Variants in PCDHGA1 observed in about 807,000 individuals in gnomAD.
PCDHGA1 encodes protocadherin gamma subfamily A, 1.
PCDHGA1 carries 32 observed loss-of-function variants against 58.0 expected under a neutral mutation model. The observed-to-expected ratio is 0.55, with a 90% CI of 0.42 to 0.74. PCDHGA1 has a LOEUF of 0.74. Ranked by LOEUF, PCDHGA1 falls within the 30% of genes least tolerant of loss-of-function variation. PCDHGA1 has a pLI of 0.00. For synonymous variants in PCDHGA1, 498 were observed against 501.1 expected, an observed-to-expected ratio of 0.99 and a Z score of 0.08; for missense variants, 1,205 against 1,182.3, an observed-to-expected ratio of 1.02 and a Z score of -0.28.
chr5:141,409,759 C>A, intron 1 of PCDHGA1: 1 of 1,612,958 alleles, frequency 6.2e-7, no homozygotes, highest in Non-Finnish European at 8.5e-7. Flanking sequence ...CGCAGCGCGC[C>A]TTTGATCACG....
chr5:141,385,576 A>G, intron 1 of PCDHGA1: 1 of 1,288,582 alleles, frequency 7.8e-7, no homozygotes, highest in Non-Finnish European at 9.8e-7. Context: ...CTACTTTCCA[A>G]TCTATGTTCC....
intron 1 of PCDHGA1, chr5:141,350,782 CTT>C: frequency 6.2e-7 from 1 of 1,613,954 alleles, no homozygotes; most frequent in Non-Finnish European, 8.5e-7. Context: ...CCAATCAATA[CTT>C]CTCTCTGTCA....
intron 1 of PCDHGA1, chr5:141,475,850 G>A (rs2099376325): frequency 1.9e-5 from 9 of 464,524 alleles, no homozygotes; most frequent in Middle Eastern, 5.9e-4. Context: ...AGAGAGCCCG[G>A]CGCTAGCTCA....
intron 1 of PCDHGA1, chr5:141,417,834 G>A (rs1382990900): frequency 2.0e-6 from 3 of 1,530,144 alleles, no homozygotes; most frequent in Middle Eastern, 3.5e-4. Context: ...GGAAAAGCGG[G>A]GACCCAGCGA....
intron 1 of PCDHGA1, chr5:141,403,362 G>C: frequency 6.2e-7 from 1 of 1,614,062 alleles, no homozygotes; most frequent in Non-Finnish European, 8.5e-7. Flanking sequence ...CAGGCCGAAA[G>C]TCTGGAAGTA....
chr5:141,422,140 C>T (rs1275997338), intron 1 of PCDHGA1: 15 of 1,586,774 alleles, frequency 9.5e-6, no homozygotes, highest in Non-Finnish European at 1.3e-5. Flanking sequence ...AGTTCAAGTA[C>T]GGGGGTCTCT....
chr5:141,443,656 A>T (rs139300845), intron 1 of PCDHGA1, among the ~76,000 whole-genome samples: 1 of 152,256 alleles, frequency 6.6e-6, no homozygotes, highest in African/African-American at 2.4e-5. Flanking sequence ...TTAGCATAGC[A>T]TTTTACTGAA....
intron 1 of PCDHGA1, chr5:141,394,651 A>G: frequency 6.2e-7 from 1 of 1,611,802 alleles, no homozygotes; most frequent in Admixed American, 1.7e-5. Flanking sequence ...AAGGCCAGCG[A>G]GCCGGGACTC....
intron 1 of PCDHGA1, 157 bp from the exon 2 acceptor site, chr5:141,494,650 T>G (rs1366776271): frequency 1.0e-6 from 1 of 960,138 alleles, no homozygotes; most frequent in East Asian, 1.1e-4. Context: ...CTGAGGTGTA[T>G]TTTGTCTTTG....
rs554003983 is a variant in PCDHGA1, at chr5:141,415,548, A to T, written c.2422-79259A>T. 10 of 1,614,160 alleles carry T rather than the reference A, an allele frequency of 6.2e-6. No individual in the cohort carries two copies. The East Asian group carries it at 1.8e-4, about 29-fold the overall frequency. ...TCATCAGCCAGGAGAGCTGTGAGAA[A>T]AACGATCCTTTGTCTTTGTTAGATG... On this transcript the variant is annotated intron_variant, in intron 1 of 3. Coordinates refer to ENST00000517417, the MANE Select transcript of PCDHGA1 (RefSeq NM_018912.3).
intron 1 of PCDHGA1, among the ~76,000 whole-genome samples, chr5:141,439,398 T>C (rs2098110369): frequency 6.6e-6 from 1 of 152,212 alleles, no homozygotes; most frequent in Admixed American, 6.5e-5. Context: ...TTCGACTTCA[T>C]GTGCTAACAT....
rs761718852 is a variant in PCDHGA1, at chr5:141,432,440, G to A, written c.2422-62367G>A. ...GCTGGACCAGAACGACAATGCGCCCGAGATCCTGTACCCCGCCCTCCCCAC... is the reference window on the plus strand; with the variant it reads ...GCTGGACCAGAACGACAATGCGCCCAAGATCCTGTACCCCGCCCTCCCCAC... On this transcript the variant is annotated intron_variant, in intron 1 of 3. Transcript: ENST00000517417. The surrounding 1 kb of genome is among the most constrained non-coding windows in gnomAD (Gnocchi z 6.0). 1.3e-5 allele frequency: 21 copies of A among 1,614,226 alleles called. No homozygotes were observed. Among genetic ancestry groups the A allele is most frequent in the Non-Finnish European group, 1.6e-5 (19 of 1,180,048 alleles).
chr5:141,364,267 T>C, intron 1 of PCDHGA1: 1 of 1,511,636 alleles, frequency 6.6e-7, no homozygotes, highest in Non-Finnish European at 8.8e-7. Flanking sequence ...CCCATCGGCT[T>C]TAGATAAATA....
intron 1 of PCDHGA1, chr5:141,394,900 C>T (rs959646500): frequency 3.7e-6 from 6 of 1,613,748 alleles, no homozygotes; most frequent in Non-Finnish European, 3.4e-6. Context: ...CTCGTGGTGG[C>T]AGTGGCTGCC....
intron 1 of PCDHGA1, chr5:141,424,468 C>A (rs1301878037): frequency 1.3e-5 from 2 of 152,072 alleles, no homozygotes; most frequent in South Asian, 2.1e-4. Context: ...TCCTTTTATT[C>A]TTTTACTTTG....
In PCDHGA1 at chr5:141,385,016, C is replaced by G. The variant is rs536780147; in HGVS notation, c.2421+51911C>G. 1.9e-6 allele frequency: 3 copies of G among 1,614,186 alleles called. No individual in the cohort carries two copies. In the South Asian group the frequency reaches 3.3e-5, roughly 18 times the overall value. On this transcript the variant is annotated intron_variant, in intron 1 of 3. Transcript: ENST00000517417. ...GCCACAGTCTCCTGCGTCTTCCTAG[C>G]CTTCGTCCTCGTACTGCTGGCGCTC...
rs1193497090 is a variant in PCDHGA1 at position 141,485,890 on chromosome 5, C to T, written c.2422-8917C>T. On this transcript the variant is annotated intron_variant, in intron 1 of 3. Coordinates refer to ENST00000517417, the MANE Select transcript of PCDHGA1 (RefSeq NM_018912.3). This position sits in a 1 kb window ranked among gnomAD's most constrained non-coding sequence, Gnocchi z 5.7. ...CCGTGCTGGACGTAAACGACAACGC[C>T]CCAGCCTTCCAGCAATCCAGCTACA... The T allele has an allele frequency of 6.2e-6, 10 of 1,614,156 alleles. No homozygotes were observed. Among genetic ancestry groups the T allele is most frequent in the Non-Finnish European group, 6.8e-6 (8 of 1,180,022 alleles).
At position 141,512,114 on chromosome 5, in the gene PCDHGA1, C is replaced by T. The variant is rs2099884080; in HGVS notation, c.*941C>T. ...TAACTAGGCTGGACCCTTCCCACTA[C>T]ATAATAGGGCTCAGCCCAGGCAGCC... On this transcript the variant is annotated 3_prime_UTR_variant, in exon 4 of 4. Coordinates refer to ENST00000517417, the MANE Select transcript of PCDHGA1 (RefSeq NM_018912.3). 2 of 152,696 alleles carry T rather than the reference C, an allele frequency of 1.3e-5. No homozygotes were observed. Among genetic ancestry groups the T allele is most frequent in the African/African-American group, 4.8e-5 (2 of 41,468 alleles). 9.5% of individuals were successfully genotyped at this position (152,696 alleles called of 1,614,324 possible).
At chr5:141,380,361 GA>G (rs980591138) in intron 1 of PCDHGA1, among the ~76,000 whole-genome samples, 1 of 151,502 alleles carries the variant, frequency 6.6e-6, no homozygotes, top group Non-Finnish European at 1.5e-5. Flanking sequence ...TTGTTTTTTA[GA>G]AAAAAAAGTC....
Sources: allele counts gnomAD v4.1 joint callset (sites outside exome capture counted in the v4.1 genomes callset), GRCh38; gene constraint gnomAD v4.1.1; non-coding constraint Gnocchi (gnomAD v3.1); transcripts MANE v1.5; gene names NCBI Gene and HGNC (gene_info 2026-07-23, HGNC 2026-07-21).